The following MYH7B variants were observed in gnomAD, a reference collection of about 807,000 sequenced individuals.
MYH7B encodes myosin heavy chain 7B, also known as myosin-7B.
A neutral mutation model predicts 234.5 loss-of-function variants in MYH7B; 205 were observed. The observed-to-expected ratio is 0.87, with a 90% CI of 0.78 to 0.98. MYH7B has a LOEUF of 0.98. MYH7B is among the 50% of genes least tolerant of loss of function. MYH7B has a pLI of 0.00. For missense variants in MYH7B, 2,652 were observed against 2,633.4 expected, an observed-to-expected ratio of 1.01 and a Z score of -0.15; for synonymous variants, 1,193 against 1,105.0, an observed-to-expected ratio of 1.08 and a Z score of -1.58.
At chr20:34,967,769 G>C (rs1208610137) in intron 2 of MYH7B, among the ~76,000 whole-genome samples, 1 of 152,214 alleles carries the variant, frequency 6.6e-6, no homozygotes, top group Non-Finnish European at 1.5e-5. Context: ...ACGGGAGAGT[G>C]TTTGTTTGAA....
intron 18 of MYH7B, 80 bp from the exon 19 acceptor site, chr20:34,988,012 G>A: frequency 6.4e-7 from 1 of 1,567,374 alleles, no homozygotes; most frequent in Non-Finnish European, 8.6e-7. Context: ...TGGAAGTTGG[G>A]GGTGAACTCA....
At chr20:34,979,608 A>AGGTC (rs1487702460) in intron 6 of MYH7B, 53 bp from the exon 7 acceptor site, 4 of 1,610,530 alleles carry the variant, frequency 2.5e-6, no homozygotes, top group African/African-American at 1.3e-5. Context: ...GTGACAGGTG[A>AGGTC]GGTCGGTCGG....
intron 22 of MYH7B, 114 bp from the exon 23 acceptor site, chr20:34,990,624 G>A (rs191520747): frequency 1.1e-6 from 1 of 939,676 alleles, no homozygotes; most frequent in African/African-American, 1.6e-5. Context: ...GAGTGAAAGA[G>A]CAAAAGTGCA....
Position 34,982,634 on chromosome 20 carries a change from T to C in MYH7B, c.624+79T>C, listed in dbSNP as rs933832248. 8.4e-4 allele frequency: 985 copies of C among 1,171,838 alleles called. 2 individuals are homozygous for C. The highest frequency in any genetic ancestry group is 9.4e-4 in the African/African-American group (60 of 63,868). The allele number at this position is 1,171,838 out of a possible 1,614,324, so 72.6% of individuals were successfully genotyped here. On this transcript the variant is annotated intron_variant, in intron 10 of 44. Coordinates refer to ENST00000262873, the Ensembl canonical transcript of MYH7B. ...TCTTTCTTCCTCTCTTTTTTTTTTT[T>C]CCCCCTTTTTAAAAATTTTACTCCC...
At position 34,990,720 on chromosome 20, in the gene MYH7B, A is replaced by G. The variant is rs747933412; in HGVS notation, c.1978-18A>G. On this transcript the variant is annotated intron_variant, in intron 22 of 44. Transcript: ENST00000262873. ...TCTGCCCCCTTTGTGCCTTTCCCTC[A>G]CTCTTCCCCACTGCCAGGAGAACCT... 1 of 1,612,908 alleles carries G rather than the reference A, an allele frequency of 6.2e-7. No homozygotes were observed.
At chr20:34,996,960 A>G (rs1230067094) in intron 30 of MYH7B, 123 bp from the exon 31 acceptor site, 3 of 1,210,632 alleles carry the variant, frequency 2.5e-6, no homozygotes, top group Non-Finnish European at 3.3e-6. Context: ...CTCAGGGCCC[A>G]GTGCAGCAGG....
At chr20:34,985,016 G>A (rs935527064) in intron 12 of MYH7B, 50 bp from the exon 13 acceptor site, 1 of 1,611,546 alleles carries the variant, frequency 6.2e-7, no homozygotes, top group Non-Finnish European at 8.5e-7. Context: ...GCACAGGTGG[G>A]GACAGTGCTG....
chr20:35,001,375 G>C, intron 42 of MYH7B, 26 bp downstream of exon 42: 1 of 1,598,820 alleles, frequency 6.3e-7, no homozygotes, highest in Non-Finnish European at 8.5e-7. Flanking sequence ...TCCCTGGGGA[G>C]TGGCCCTGGA....
intron 26 of MYH7B, among the ~76,000 whole-genome samples, 181 bp downstream of exon 26, chr20:34,993,651 G>A (rs970653944): frequency 1.3e-5 from 2 of 152,240 alleles, no homozygotes; most frequent in African/African-American, 2.4e-5. Flanking sequence ...AACGGGGTAC[G>A]GCACTTGCCT....
At position 34,999,038 on chromosome 20, in the gene MYH7B, T is replaced by C; in HGVS notation, c.4191-18T>C. 1 of 1,600,610 alleles carries C rather than the reference T, an allele frequency of 6.2e-7. No individual in the cohort carries two copies. The highest frequency in any genetic ancestry group is 8.5e-7 in the Non-Finnish European group (1 of 1,173,340). On this transcript the variant is annotated intron_variant, in intron 35 of 44. Coordinates refer to ENST00000262873, the Ensembl canonical transcript of MYH7B. ...CCCTCCTTCCATGGTCCACACCTTG[T>C]CTGGTTCCATGGCCTAGAAAAAAGC...
At position 34,996,324 on chromosome 20, in the gene MYH7B, T is replaced by TCTGGCC. The variant is rs756330883; in HGVS notation, c.2944-10_2944-5dup. ...AGAGTGCGGGGAAGGGCGTCCCCATTCTGGCCCTGGCCCTGGCACAGGTGA... is the reference window on the plus strand; with the variant it reads ...AGAGTGCGGGGAAGGGCGTCCCCATTCTGGCCCTGGCCCTGGCCCTGGCACAGGTGA... On this transcript the variant is annotated intron_variant, in intron 28 of 44. Transcript: ENST00000262873. 1.1e-3 allele frequency: 1,683 copies of TCTGGCC among 1,562,890 alleles called. 3 individuals carry two copies. The highest frequency in any genetic ancestry group is 1.3e-3 in the Non-Finnish European group (1,498 of 1,154,592).
rs1179249055 is a variant in MYH7B, at chr20:34,981,256, GAT to G, written c.527+197_527+198del. 1.5e-5 allele frequency: 9 copies of G among 608,548 alleles called. No homozygotes were observed. The East Asian group carries it at 2.9e-4, about 19-fold the overall frequency. The allele number at this position is 608,548 out of a possible 1,614,324, so 37.7% of individuals were successfully genotyped here. On this transcript the variant is annotated intron_variant, in intron 9 of 44. Transcript: ENST00000262873. ...CCCCATTCTGAACAGATGTGTTCTT[GAT>G]GGGGGATAGGGAGGGGACACCCACA... is the stretch of plus-strand genomic sequence containing the variant.
intron 11 of MYH7B, 25 bp downstream of exon 11, chr20:34,984,740 G>T (rs771878878): frequency 5.0e-6 from 8 of 1,606,198 alleles, no homozygotes; most frequent in Non-Finnish European, 6.8e-6. Flanking sequence ...AATGTCAATG[G>T]GGCAGCCCTG....
At chr20:34,996,280 T>C in intron 28 of MYH7B, 66 bp from the exon 29 acceptor site, 2 of 1,516,462 alleles carry the variant, frequency 1.3e-6, no homozygotes, top group Non-Finnish European at 1.8e-6. Context: ...TCTGACCTGG[T>C]GTGGTGTGGT....
In MYH7B at chr20:35,000,630, C is replaced by T. The variant is rs577569071; in HGVS notation, c.5119C>T (p.Arg1707Ter). The change falls in exon 39 of 45, where the codon CGA becomes TGA. Residue 1707 changes from arginine to a stop codon, truncating the protein, a stop_gained. Coordinates refer to ENST00000262873, the Ensembl canonical transcript of MYH7B. LOFTEE classifies it high-confidence loss of function. ...CCTGGAGCAGGGCGAGCGCAGCCGGCGACTGGCAGAGCAGGAGCTTTTGGA... is the reference window on the plus strand; with the variant it reads ...CCTGGAGCAGGGCGAGCGCAGCCGGTGACTGGCAGAGCAGGAGCTTTTGGA... 1.8e-5 allele frequency: 29 copies of T among 1,577,680 alleles called. No homozygotes were observed. The Admixed American group carries it at 2.1e-4, about 11-fold the overall frequency.
intron 7 of MYH7B, 153 bp from the exon 8 acceptor site, chr20:34,980,425 T>G (rs2081924297): frequency 4.4e-6 from 3 of 682,042 alleles, no homozygotes; most frequent in Non-Finnish European, 7.8e-6. Flanking sequence ...GGCACGCGCT[T>G]GTAGTCCTAG....
chr20:34,987,506 T>C (rs2082050624), intron 16 of MYH7B, 51 bp from the exon 17 acceptor site: 4 of 1,505,448 alleles, frequency 2.7e-6, no homozygotes, highest in Admixed American at 1.8e-5. Flanking sequence ...GTAGAGCCCC[T>C]GAGTGCGCAT....
intron 16 of MYH7B, 102 bp from the exon 17 acceptor site, chr20:34,987,455 G>C: frequency 7.1e-6 from 10 of 1,411,128 alleles, no homozygotes; most frequent in Non-Finnish European, 9.8e-6. Flanking sequence ...CCCTGAACTT[G>C]ACCCCTCTTA....
At chr20:34,999,946 G>C (rs372681955) in intron 38 of MYH7B, 40 bp downstream of exon 38, 21 of 1,547,748 alleles carry the variant, frequency 1.4e-5, no homozygotes, top group Non-Finnish European at 1.9e-5. Context: ...CCCGAGAGCA[G>C]AAGGGGAGGG....
Sources: gnomAD v4.1 joint callset for allele counts (sites outside exome capture counted in the v4.1 genomes callset) on GRCh38, gnomAD v4.1.1 for gene constraint, MANE v1.5 for transcripts, NCBI Gene and HGNC (gene_info 2026-07-23, HGNC 2026-07-21) for gene names.